Variants in PDE11A observed in about 807,000 individuals in gnomAD.
PDE11A encodes phosphodiesterase 11A, also known as dual 3',5'-cyclic-AMP and -GMP phosphodiesterase 11A.
PDE11A carries 100 observed loss-of-function variants against 100.5 expected under a neutral mutation model. The ratio of observed to expected loss-of-function variants is 1.00; its 90% CI spans 0.85 to 1.18. The LOEUF (loss-of-function observed/expected upper bound fraction) is 1.18. Ranked by LOEUF, PDE11A falls within the 50% of genes most tolerant of loss-of-function variation. The pLI is 0.00. For missense variants in PDE11A, 1,141 were observed against 1,152.6 expected, an observed-to-expected ratio of 0.99 and a Z score of 0.15; for synonymous variants, 381 against 420.8, an observed-to-expected ratio of 0.91 and a Z score of 1.16.
intron 2 of PDE11A, among the ~76,000 whole-genome samples, chr2:178,089,568 G>A (rs973445990): frequency 1.3e-5 from 2 of 152,222 alleles, no homozygotes; most frequent in Non-Finnish European, 2.9e-5. Flanking sequence ...CCAAGGGTGG[G>A]AGATTTTTGC....
intron 15 of PDE11A, among the ~76,000 whole-genome samples, chr2:177,696,402 G>A (rs553488665): frequency 6.6e-6 from 1 of 152,212 alleles, no homozygotes; most frequent in African/African-American, 2.4e-5. Context: ...AAGAGAGAAA[G>A]GCAGCTGGAG....
chr2:177,751,250 T>C (rs907799195), intron 10 of PDE11A, among the ~76,000 whole-genome samples: 1 of 152,194 alleles, frequency 6.6e-6, no homozygotes, highest in African/African-American at 2.4e-5. Context: ...TGCCTGTTCA[T>C]GGACTTACTT....
At chr2:177,689,523 C>T (rs1287625852) in intron 15 of PDE11A, among the ~76,000 whole-genome samples, 1 of 152,118 alleles carries the variant, frequency 6.6e-6, no homozygotes, top group Non-Finnish European at 1.5e-5. Context: ...TTAATTGTTA[C>T]ATGCAGATTC....
At chr2:177,711,953 G>A (rs13428806) in intron 12 of PDE11A, 75 bp from the exon 13 acceptor site, 165,605 of 758,258 alleles carry the variant, frequency 0.22, 20,864 homozygotes, top group African/African-American at 0.47. Context: ...CTGAGCAACA[G>A]TCAACTCTGT....
chr2:177,707,733 G>A (rs2081300612), intron 13 of PDE11A, among the ~76,000 whole-genome samples: 1 of 152,062 alleles, frequency 6.6e-6, no homozygotes, highest in African/African-American at 2.4e-5. Context: ...AAATCCGATC[G>A]GTCCAGCTTT....
chr2:177,955,395 G>A (rs1195760592), intron 2 of PDE11A, among the ~76,000 whole-genome samples: 3 of 152,172 alleles, frequency 2.0e-5, no homozygotes, highest in Non-Finnish European at 4.4e-5. Flanking sequence ...CTGCTTTGCA[G>A]ACTTCTCCAT....
At chr2:177,746,854 T>C (rs1047020212) in intron 10 of PDE11A, among the ~76,000 whole-genome samples, 1 of 152,176 alleles carries the variant, frequency 6.6e-6, no homozygotes, top group African/African-American at 2.4e-5. Context: ...TATAGAGAGC[T>C]AAACCTAAAT....
intron 10 of PDE11A, among the ~76,000 whole-genome samples, chr2:177,758,296 C>CAAAAAAAAAAA (rs78765770): frequency 1.5e-5 from 1 of 65,008 alleles, no homozygotes; most frequent in Non-Finnish European, 3.2e-5. Context: ...GACTCCGTCT[C>CAAAAAAAAAAA]AAAAAAAAAA....
chr2:178,088,973 T>C (rs941997339), intron 2 of PDE11A, among the ~76,000 whole-genome samples: 2 of 152,334 alleles, frequency 1.3e-5, no homozygotes, highest in East Asian at 3.9e-4. Flanking sequence ...GTACACCTAA[T>C]TTAGATGGAA....
At chr2:177,900,761 A>G (rs1284244736) in intron 3 of PDE11A, among the ~76,000 whole-genome samples, 1 of 130,634 alleles carries the variant, frequency 7.7e-6, no homozygotes, top group African/African-American at 2.5e-5. Context: ...CCATCTCAAA[A>G]AAAAAGAAAG....
At chr2:177,965,237 T>C (rs2085684082) in intron 2 of PDE11A, among the ~76,000 whole-genome samples, 1 of 152,226 alleles carries the variant, frequency 6.6e-6, no homozygotes, top group Non-Finnish European at 1.5e-5. Flanking sequence ...GCTTGCTAAT[T>C]TGTTTAAGTT....
At chr2:177,769,793 T>A (rs1234985688) in intron 9 of PDE11A, among the ~76,000 whole-genome samples, 1 of 144,556 alleles carries the variant, frequency 6.9e-6, no homozygotes, top group Non-Finnish European at 1.5e-5. Flanking sequence ...GAGGCTGAGA[T>A]GGGAGGATCA....
intron 19 of PDE11A, 50 bp downstream of exon 19, chr2:177,663,816 T>A (rs890503969): frequency 1.2e-5 from 12 of 1,037,624 alleles, no homozygotes; most frequent in Non-Finnish European, 1.8e-5. Flanking sequence ...ATACACACTT[T>A]TCCTTTTCTG....
At chr2:178,039,811 C>T (rs1399437424) in intron 1 of PDE11A, among the ~76,000 whole-genome samples, 1 of 151,960 alleles carries the variant, frequency 6.6e-6, no homozygotes, top group Non-Finnish European at 1.5e-5. Context: ...ATGAATTAAT[C>T]TCAAAAACAT....
At chr2:178,042,810 AAAAC>A (rs138042980) in intron 1 of PDE11A, among the ~76,000 whole-genome samples, 48,887 of 151,658 alleles carry the variant, frequency 0.32, 9,874 homozygotes, top group East Asian at 0.54. Flanking sequence ...ACAGAAGTTA[AAAAC>A]AAACAAACAA....
intron 10 of PDE11A, among the ~76,000 whole-genome samples, chr2:177,765,478 C>T (rs1222547318): frequency 6.6e-6 from 1 of 152,138 alleles, no homozygotes; most frequent in Non-Finnish European, 1.5e-5. Flanking sequence ...TGTACCTTAC[C>T]TGCCTTAAAA....
At chr2:178,044,560 T>C (rs968653478) in intron 1 of PDE11A, among the ~76,000 whole-genome samples, 2 of 151,874 alleles carry the variant, frequency 1.3e-5, no homozygotes, top group Non-Finnish European at 2.9e-5. Context: ...CATGGTCACA[T>C]AAGAAGTTCT....
At chr2:177,683,747 G>T (rs575101037) in intron 15 of PDE11A, among the ~76,000 whole-genome samples, 1 of 152,278 alleles carries the variant, frequency 6.6e-6, no homozygotes, top group East Asian at 1.9e-4. Flanking sequence ...CAAGAACCCA[G>T]TTTATTCTAC....
At position 177,890,085 on chromosome 2, in the gene PDE11A, C is replaced by G. The variant is rs913287333; in HGVS notation, c.1302+7973G>C. Among the ~76,000 whole-genome samples, 5 of 152,192 alleles carry G rather than the reference C, an allele frequency of 3.3e-5. No homozygotes were observed. In the East Asian group the frequency reaches 9.6e-4, roughly 29 times the overall value. ...TGAGTGTGTTCTCACCAACACTGCTCTGAGCAGCCATTTCAGCTTCTGCCT... is the reference window on the plus strand; with the variant it reads ...TGAGTGTGTTCTCACCAACACTGCTGTGAGCAGCCATTTCAGCTTCTGCCT... On this transcript the variant is annotated intron_variant, in intron 4 of 19. Coordinates refer to ENST00000286063, the MANE Select transcript of PDE11A (RefSeq NM_016953.4).
Sources: gnomAD v4.1 joint callset for allele counts (sites outside exome capture counted in the v4.1 genomes callset) on GRCh38, gnomAD v4.1.1 for gene constraint, MANE v1.5 for transcripts, NCBI Gene and HGNC (gene_info 2026-07-23, HGNC 2026-07-21) for gene names.